The following SMIM7 variants were observed in gnomAD, a reference collection of about 807,000 sequenced individuals.
The protein encoded by SMIM7 is UPF0608 protein C19orf42.
In SMIM7, 12 loss-of-function variants were observed where a neutral mutation model predicts 13.3. The ratio of observed to expected loss-of-function variants is 0.90; its 90% CI spans 0.58 to 1.46. The LOEUF (loss-of-function observed/expected upper bound fraction) is 1.46. Among genes scored for constraint, SMIM7 ranks in the 40% most tolerant of loss-of-function variants. SMIM7 has a pLI of 0.00. For missense variants in SMIM7, 114 were observed against 94.8 expected (o/e 1.20, Z -0.84); for synonymous variants, 36 against 35.8 (o/e 1.01, Z -0.02).
exon 5 of SMIM7, chr19:16,631,389 T>C (rs574323015): frequency 1.3e-5 from 2 of 151,780 alleles, no homozygotes; most frequent in East Asian, 3.9e-4. Context: ...CCATCACAAA[T>C]ATAAAATAAA....
chr19:16,650,838 T>C (rs2086515386), intron 4 of SMIM7, among the ~76,000 whole-genome samples: 1 of 152,218 alleles, frequency 6.6e-6, no homozygotes, highest in African/African-American at 2.4e-5. Context: ...TCCAACTCCC[T>C]GGCTAAACAG....
At chr19:16,651,781 G>T (rs1479541167) in intron 4 of SMIM7, among the ~76,000 whole-genome samples, 7 of 135,006 alleles carry the variant, frequency 5.2e-5, no homozygotes, top group South Asian at 2.4e-4. Flanking sequence ...CTTCTTCCCT[G>T]CCCCAGGACC....
intron 3 of SMIM7, among the ~76,000 whole-genome samples, chr19:16,657,902 G>GT (rs1399967549): frequency 1.3e-5 from 2 of 152,356 alleles, no homozygotes; most frequent in East Asian, 3.8e-4. Context: ...AGGCGTGGTA[G>GT]TAAGTGCCTG....
At chr19:16,651,301 G>A (rs1249156287) in intron 4 of SMIM7, among the ~76,000 whole-genome samples, 2 of 152,136 alleles carry the variant, frequency 1.3e-5, no homozygotes, top group East Asian at 1.9e-4. Flanking sequence ...CAACTCCACC[G>A]CTGTGACACA....
At chr19:16,651,181 C>T (rs879600837) in intron 4 of SMIM7, among the ~76,000 whole-genome samples, 3 of 152,202 alleles carry the variant, frequency 2.0e-5, no homozygotes, top group Non-Finnish European at 4.4e-5. Context: ...ACCCATGGCC[C>T]CCAGTGAAAG....
At chr19:16,645,551 A>G (rs2086440544), downstream of SMIM7, 1 of 152,160 alleles carries the variant, frequency 6.6e-6, no homozygotes, top group South Asian at 2.1e-4. Flanking sequence ...CCACAACCTG[A>G]GAGGCAGCAA....
chr19:16,650,930 GCA>G (rs2086516666), intron 4 of SMIM7, among the ~76,000 whole-genome samples: 1 of 152,144 alleles, frequency 6.6e-6, no homozygotes, highest in South Asian at 2.1e-4. Flanking sequence ...AAGTTAGGCT[GCA>G]CAGACATAGT....
At chr19:16,648,343 G>A (rs1466949334) in intron 4 of SMIM7, among the ~76,000 whole-genome samples, 1 of 151,626 alleles carries the variant, frequency 6.6e-6, no homozygotes, top group Non-Finnish European at 1.5e-5. Context: ...GTTTCACCAT[G>A]TTGGTCAGGC....
chr19:16,659,282 CAAAA>C (rs752864646), intron 3 of SMIM7, 109 bp downstream of exon 3: 10,326 of 526,302 alleles, frequency 0.02, no homozygotes, highest in Middle Eastern at 0.027. Context: ...GACCTTGTGT[CAAAA>C]AAAAAAAAAA....
chr19:16,631,964 G>C (rs1024696444), intron 4 of SMIM7, among the ~76,000 whole-genome samples: 1 of 151,618 alleles, frequency 6.6e-6, no homozygotes, highest in Non-Finnish European at 1.5e-5. Flanking sequence ...CCGCCTTTCA[G>C]GTTCAAGCGA....
rs998154576 is a variant in SMIM7, at chr19:16,652,635, C to T, written c.212+1400G>A. 9.7e-6 allele frequency: 13 copies of T among 1,340,704 alleles called. No homozygotes were observed. The Middle Eastern group carries it at 8.7e-4, about 90-fold the overall frequency. The allele number at this position is 1,340,704 out of a possible 1,614,324, so 83.1% of individuals were successfully genotyped here. A position where few individuals can be genotyped will look rare whatever the true frequency, so the allele number is the denominator to read the frequency against. On this transcript the variant is annotated intron_variant, in intron 4 of 4. Transcript: ENST00000487416. ...CAACAGTCTTCCTGGGAATACATCACGGTCCTTGTGATGAGGGTGAAATGC... is the reference window on the plus strand; with the variant it reads ...CAACAGTCTTCCTGGGAATACATCATGGTCCTTGTGATGAGGGTGAAATGC...
chr19:16,637,932 T>TTAAA (rs1248187490), intron 4 of SMIM7, among the ~76,000 whole-genome samples: 2 of 151,804 alleles, frequency 1.3e-5, no homozygotes, highest in East Asian at 3.9e-4. Context: ...GTAATTAAGG[T>TTAAA]TAAATAAGGT....
At chr19:16,639,597 C>G (rs772486363) in intron 4 of SMIM7, among the ~76,000 whole-genome samples, 5 of 152,188 alleles carry the variant, frequency 3.3e-5, no homozygotes, top group Non-Finnish European at 1.5e-5. Context: ...ATGAGCACAA[C>G]AGCTGATATA....
downstream of SMIM7, chr19:16,643,780 C>T (rs534171140): frequency 7.2e-4 from 110 of 152,360 alleles, no homozygotes; most frequent in African/African-American, 2.6e-3. Context: ...ATGGACCCCT[C>T]CATGGTTATC....
intron 4 of SMIM7, chr19:16,652,377 T>G (rs2086538209): frequency 4.5e-6 from 1 of 223,188 alleles, no homozygotes; most frequent in Non-Finnish European, 7.5e-6. Flanking sequence ...AATTTTTTTA[T>G]TTTTGGTAAA....
At chr19:16,659,926 GA>G (rs772865061) in intron 2 of SMIM7, 32 bp downstream of exon 2, 15 of 1,597,806 alleles carry the variant, frequency 9.4e-6, no homozygotes, top group Middle Eastern at 1.7e-4. Context: ...GGGTTCCCCG[GA>G]TGGAGCCGCA....
intron 4 of SMIM7, among the ~76,000 whole-genome samples, chr19:16,647,496 C>T (rs552085640): frequency 6.7e-6 from 1 of 150,332 alleles, no homozygotes; most frequent in East Asian, 1.9e-4. Context: ...GGCTCTGCCG[C>T]CCAGGCTGGA....
At chr19:16,653,114 G>A (rs1450357825) in intron 4 of SMIM7, among the ~76,000 whole-genome samples, 1 of 152,228 alleles carries the variant, frequency 6.6e-6, no homozygotes, top group African/African-American at 2.4e-5. Context: ...GGTGAGACGT[G>A]ACAGGGCCAT....
intron 4 of SMIM7, chr19:16,652,376 A>G (rs1291472651): frequency 2.3e-5 from 5 of 219,934 alleles, no homozygotes; most frequent in African/African-American, 1.2e-4. Context: ...TAATTTTTTT[A>G]TTTTTGGTAA....
Sources: gnomAD v4.1 joint callset for allele counts (sites outside exome capture counted in the v4.1 genomes callset) on GRCh38, gnomAD v4.1.1 for gene constraint, MANE v1.5 for transcripts, NCBI Gene and HGNC (gene_info 2026-07-23, HGNC 2026-07-21) for gene names.